UBR3: variants seen among roughly 807,000 people sequenced by gnomAD.
UBR3 encodes ubiquitin protein ligase E3 component n-recognin 3.
A neutral mutation model predicts 243.2 loss-of-function variants in UBR3; 85 were observed. The observed-to-expected ratio is 0.35, with a 90% CI of 0.29 to 0.42. The LOEUF is 0.42. Among genes scored for constraint, UBR3 ranks in the 10% least tolerant of loss-of-function variants. UBR3 has a pLI of 1.00. For missense variants in UBR3, 1,686 were observed against 2,300.8 expected (o/e 0.73, Z 5.47); for synonymous variants, 748 against 799.8 (o/e 0.94, Z 1.09).
At chr2:170,066,665 T>A (rs561868136) in intron 35 of UBR3, among the ~76,000 whole-genome samples, 1 of 152,182 alleles carries the variant, frequency 6.6e-6, no homozygotes, top group East Asian at 1.9e-4. Context: ...TGCATTTTAA[T>A]TCATTTAAAC....
chr2:170,050,193 A>G (rs2091185426), intron 32 of UBR3, among the ~76,000 whole-genome samples: 1 of 152,138 alleles, frequency 6.6e-6, no homozygotes, highest in South Asian at 2.1e-4. Context: ...GAGAAAATAG[A>G]CTTGAGTTTT....
Position 169,986,293 on chromosome 2 carries a change from T to C in UBR3, c.3635-352T>C, listed in dbSNP as rs188744774. ...AACCCCTTAGGTGCCTCAAGGAAAA[T>C]TAAAACAAACATCTCCCTTCTTTCT... is the stretch of plus-strand genomic sequence containing the variant. On this transcript the variant is annotated intron_variant, in intron 24 of 38. Coordinates refer to ENST00000272793, the MANE Select transcript of UBR3 (RefSeq NM_172070.4). 1.7e-4 allele frequency among the ~76,000 whole-genome samples: 26 copies of C among 152,272 alleles called. No homozygotes were observed. In the East Asian group the frequency reaches 5.0e-3, roughly 29 times the overall value.
At chr2:169,889,181 A>G (rs1158964436) in intron 5 of UBR3, among the ~76,000 whole-genome samples, 1 of 152,152 alleles carries the variant, frequency 6.6e-6, no homozygotes, top group Non-Finnish European at 1.5e-5. Context: ...AGGCCAACTC[A>G]GTGGTCTGTG....
chr2:169,877,862 G>T (rs1473565396), intron 4 of UBR3, among the ~76,000 whole-genome samples: 1 of 152,154 alleles, frequency 6.6e-6, no homozygotes, highest in East Asian at 1.9e-4. Context: ...GCTTATTAAG[G>T]TTCTGGTTCT....
At chr2:169,999,210 A>C (rs1177824717) in intron 26 of UBR3, among the ~76,000 whole-genome samples, 2 of 152,236 alleles carry the variant, frequency 1.3e-5, no homozygotes, top group Non-Finnish European at 2.9e-5. Context: ...ACTACCAATC[A>C]TTCTAAAATG....
intron 3 of UBR3, 53 bp from the exon 4 acceptor site, chr2:169,877,441 A>T: frequency 6.9e-7 from 1 of 1,455,356 alleles, no homozygotes; most frequent in Non-Finnish European, 9.2e-7. Context: ...AAAAGACCAT[A>T]CTGAGATTTT....
At chr2:169,993,150 C>A (rs188379684) in intron 25 of UBR3, among the ~76,000 whole-genome samples, 275 of 152,250 alleles carry the variant, frequency 1.8e-3, no homozygotes, top group African/African-American at 6.3e-3. Context: ...TATTCAGATT[C>A]TCTCAGTTGT....
intron 6 of UBR3, among the ~76,000 whole-genome samples, chr2:169,892,991 T>G (rs1205598275): frequency 6.6e-6 from 1 of 152,240 alleles, no homozygotes; most frequent in Non-Finnish European, 1.5e-5. Flanking sequence ...AAAAATCTCT[T>G]TTTACAATTT....
intron 24 of UBR3, among the ~76,000 whole-genome samples, chr2:169,983,761 A>G (rs192042909): frequency 6.6e-6 from 1 of 152,220 alleles, no homozygotes; most frequent in South Asian, 2.1e-4. Flanking sequence ...TCATTCAGAT[A>G]GATTCTTTTC....
At chr2:169,995,560 A>G (rs149646038) in intron 26 of UBR3, among the ~76,000 whole-genome samples, 92 of 152,298 alleles carry the variant, frequency 6.0e-4, no homozygotes, top group African/African-American at 2.1e-3. Flanking sequence ...GTTTCCAAGA[A>G]CCTACTGATA....
intron 28 of UBR3, among the ~76,000 whole-genome samples, chr2:170,007,747 C>T (rs1310945020): frequency 6.6e-6 from 1 of 152,082 alleles, no homozygotes; most frequent in East Asian, 1.9e-4. Context: ...ACATGTAATC[C>T]CAGCTACACG....
At chr2:169,836,067 A>ATATTTTTT (rs1558999159) in intron 1 of UBR3, among the ~76,000 whole-genome samples, 4 of 32,668 alleles carry the variant, frequency 1.2e-4, no homozygotes, top group East Asian at 1.3e-3. Flanking sequence ...ATATATATAT[A>ATATTTTTT]TTTTTTTTTT....
intron 24 of UBR3, among the ~76,000 whole-genome samples, chr2:169,982,854 A>G (rs1025026975): frequency 2.0e-5 from 3 of 152,334 alleles, no homozygotes; most frequent in East Asian, 1.9e-4. Context: ...TCATCAGTCA[A>G]TGAGAAGACT....
intron 31 of UBR3, among the ~76,000 whole-genome samples, chr2:170,029,978 T>G (rs1017242261): frequency 6.6e-6 from 1 of 152,118 alleles, no homozygotes; most frequent in East Asian, 1.9e-4. Context: ...GGATGAATAC[T>G]TGATACTTTT....
chr2:169,980,617 C>G (rs1324962037), intron 24 of UBR3, among the ~76,000 whole-genome samples: 1 of 144,386 alleles, frequency 6.9e-6, no homozygotes, highest in Non-Finnish European at 1.5e-5. Context: ...ATCTTGGTTT[C>G]TTTTTTTTTT....
At chr2:169,912,633 T>C (rs982952609) in intron 10 of UBR3, among the ~76,000 whole-genome samples, 1 of 152,206 alleles carries the variant, frequency 6.6e-6, no homozygotes, top group African/African-American at 2.4e-5. Context: ...TTGATTCTAC[T>C]TTTTGGCTGC....
At position 169,987,222 on chromosome 2, in the gene UBR3, G is replaced by A. The variant is rs530759222; in HGVS notation, c.3784+428G>A. On this transcript the variant is annotated intron_variant, in intron 25 of 38. Transcript: ENST00000272793. ...TACATGGCCAACATGGTGAAACCCC[G>A]TCTCTACTAAAAATATAAAATATTG... 1.3e-4 allele frequency among the ~76,000 whole-genome samples: 19 copies of A among 151,758 alleles called. No individual in the cohort carries two copies. In the South Asian group the frequency reaches 3.3e-3, roughly 27 times the overall value.
At chr2:169,844,221 G>T (rs1405203048) in intron 1 of UBR3, among the ~76,000 whole-genome samples, 2 of 151,986 alleles carry the variant, frequency 1.3e-5, no homozygotes, top group African/African-American at 4.8e-5. Context: ...TGGCCAGGCT[G>T]GTCTCAAACT....
At chr2:170,060,661 C>T (rs2091439009) in intron 33 of UBR3, among the ~76,000 whole-genome samples, 1 of 151,910 alleles carries the variant, frequency 6.6e-6, no homozygotes, top group South Asian at 2.1e-4. Context: ...GTTGGTATTC[C>T]ATTTTTTAGG....
Sources: gnomAD v4.1 joint callset for allele counts (sites outside exome capture counted in the v4.1 genomes callset) on GRCh38, gnomAD v4.1.1 for gene constraint, MANE v1.5 for transcripts, NCBI Gene and HGNC (gene_info 2026-07-23, HGNC 2026-07-21) for gene names.